The following PATJ variants were observed in gnomAD, a reference collection of about 807,000 sequenced individuals.
PATJ encodes PATJ crumbs cell polarity complex component.
A neutral mutation model predicts 224.9 loss-of-function variants in PATJ; 190 were observed. The observed-to-expected ratio is 0.84, with a 90% confidence interval of 0.75 to 0.95. The LOEUF (loss-of-function observed/expected upper bound fraction) is 0.95. Among genes scored for constraint, PATJ ranks in the 40% least tolerant of loss-of-function variants. The pLI is 0.00. For missense variants in PATJ, 2,121 were observed against 2,270.3 expected (o/e 0.93, Z 1.34); for synonymous variants, 769 against 820.3 (o/e 0.94, Z 1.07).
chr1:62,062,763 C>T (rs1655775555), intron 31 of PATJ, among the ~76,000 whole-genome samples: 1 of 152,088 alleles, frequency 6.6e-6, no homozygotes, highest in Non-Finnish European at 1.5e-5. Flanking sequence ...TCCCAAAGTG[C>T]AGAGATGACA....
rs10605703 is a variant in PATJ, at chr1:62,024,657, A to AACAC, written c.3959+6766_3959+6769dup. ...GGTAGACCCCCACTTCCCACCTCCC[A>AACAC]ACACACACACACACACACACACACA... On this transcript the variant is annotated intron_variant, in intron 29 of 43. Transcript: ENST00000642238. 2.9e-3 allele frequency among the ~76,000 whole-genome samples: 314 copies of AACAC among 107,726 alleles called. 2 individuals are homozygous for AACAC. The highest frequency in any genetic ancestry group is 4.8e-3 in the African/African-American group (130 of 26,894). The allele number at this position is 107,726 out of a possible 152,430, so 70.7% of individuals were successfully genotyped here.
At chr1:62,140,391 G>A (rs1387368787) in intron 41 of PATJ, among the ~76,000 whole-genome samples, 3 of 152,142 alleles carry the variant, frequency 2.0e-5, no homozygotes, top group African/African-American at 4.8e-5. Flanking sequence ...GGTGGCTCAC[G>A]CCAGTAATCC....
intron 31 of PATJ, among the ~76,000 whole-genome samples, chr1:62,076,150 C>T (rs1052872914): frequency 7.2e-5 from 11 of 151,880 alleles, no homozygotes; most frequent in Admixed American, 3.3e-4. Flanking sequence ...TTTGAGACAT[C>T]GTTTAAAGTT....
intron 28 of PATJ, among the ~76,000 whole-genome samples, chr1:61,998,020 T>C (rs1645507199): frequency 8.1e-6 from 1 of 122,730 alleles, no homozygotes; most frequent in Admixed American, 9.2e-5. Flanking sequence ...ATATTAATTA[T>C]ATATAATATA....
intron 16 of PATJ, among the ~76,000 whole-genome samples, chr1:61,833,190 C>A (rs1350927949): frequency 6.6e-6 from 1 of 152,048 alleles, no homozygotes; most frequent in Admixed American, 6.6e-5. Context: ...AGTGGTTTCC[C>A]TGTTCTGCTC....
In PATJ at chr1:61,875,295, G is replaced by A; in HGVS notation, c.2888G>A (p.Gly963Glu). ...CTACCATCTGTACCATCAACTGAAG[G>A]AAACAGTCAACAAGGCAGATTTGAC... ...ESLPSVPSTE[G>E]NSQQGRFDDL... The change falls in exon 21 of 44, where the codon GGA (glycine) becomes GAA (glutamate). Residue 963 changes from glycine (G) to glutamate (E), a missense_variant. By Grantham distance (98) the Gly-to-Glu change is moderately conservative. Coordinates refer to ENST00000642238, the MANE Select transcript of PATJ (RefSeq NM_001350145.3). 6.2e-7 allele frequency: 1 copy of A among 1,608,896 alleles called. No individual in the cohort carries two copies. The highest frequency in any genetic ancestry group is 8.5e-7 in the Non-Finnish European group (1 of 1,175,800).
intron 28 of PATJ, among the ~76,000 whole-genome samples, chr1:62,015,207 G>A (rs1646702491): frequency 6.6e-6 from 1 of 151,990 alleles, no homozygotes; most frequent in Admixed American, 6.6e-5. Context: ...GGGAGGCTGA[G>A]GCGGGAGAAT....
intron 14 of PATJ, among the ~76,000 whole-genome samples, chr1:61,811,871 C>G (rs1370703609): frequency 2.0e-5 from 3 of 151,202 alleles, no homozygotes; most frequent in African/African-American, 7.3e-5. Flanking sequence ...ACCATCCTGG[C>G]TAACACAGTG....
In PATJ at chr1:62,067,123, CTTTT is replaced by C. The variant is rs11381578; in HGVS notation, c.4126-12309_4126-12306del. Among the ~76,000 whole-genome samples, 159 of 116,444 alleles carry C rather than the reference CTTTT, an allele frequency of 1.4e-3. 1 individual carries two copies. Among genetic ancestry groups the C allele is most frequent in the African/African-American group, 4.9e-3 (155 of 31,424 alleles). 76.4% of individuals were successfully genotyped at this position (116,444 alleles called of 152,430 possible). A position where few individuals can be genotyped will look rare whatever the true frequency, so the allele number is the denominator to read the frequency against. On this transcript the variant is annotated intron_variant, in intron 31 of 43. Transcript: ENST00000642238. ...GCCCCTCTCATAATTCCTATTCTTTCTTTTTTTTTTTTTTTTTTTTTGAGATGGA... is the reference window on the plus strand; with the variant it reads ...GCCCCTCTCATAATTCCTATTCTTTCTTTTTTTTTTTTTTTTTGAGATGGA...
At chr1:62,077,958 G>A (rs777962234) in intron 31 of PATJ, among the ~76,000 whole-genome samples, 1 of 152,220 alleles carries the variant, frequency 6.6e-6, no homozygotes, top group Non-Finnish European at 1.5e-5. Context: ...GGATGTAAAA[G>A]TGTTTTGAAA....
intron 41 of PATJ, among the ~76,000 whole-genome samples, chr1:62,139,190 T>A (rs577274375): frequency 1.3e-5 from 2 of 151,840 alleles, no homozygotes; most frequent in African/African-American, 2.4e-5. Flanking sequence ...CACGTGAGGT[T>A]GGGAGTTTAA....
chr1:61,967,241 A>C, intron 27 of PATJ, among the ~76,000 whole-genome samples: 1 of 152,204 alleles, frequency 6.6e-6, no homozygotes, highest in Non-Finnish European at 1.5e-5. Context: ...TCAGTTAACT[A>C]AATGCTTACT....
chr1:62,009,665 CA>C (rs200778286), intron 28 of PATJ, among the ~76,000 whole-genome samples: 1,638 of 152,272 alleles, frequency 0.011, 14 homozygotes, highest in Middle Eastern at 0.041. Flanking sequence ...ATTTTACCCA[CA>C]GTAGAATTTC....
intron 43 of PATJ, among the ~76,000 whole-genome samples, chr1:62,155,747 GCAGT>G (rs1669122151): frequency 6.6e-6 from 1 of 150,600 alleles, no homozygotes; most frequent in African/African-American, 2.4e-5. Flanking sequence ...CCCACTTAGC[GCAGT>G]CAGTCTTACT....
chr1:61,884,367 A>G lies in PATJ; in HGVS notation c.3090A>G (p.Ala1030=), dbSNP rs1434652295. ...QATRVISKAS[A]YTGMLSSRYA... ...CACGAGTTATTTCCAAGGCCTCAGC[A>G]TACACAGGAATGTTGTCTTCTAGAT... Residue 1030 remains alanine, a synonymous_variant, in exon 22 of 44, where the codon GCA becomes GCG. Transcript: ENST00000642238. The G allele has an allele frequency of 6.2e-7, 1 of 1,612,192 alleles. No homozygotes were observed. Among genetic ancestry groups the G allele is most frequent in the Non-Finnish European group, 8.5e-7 (1 of 1,179,354 alleles).
At chr1:61,760,232 G>A (rs1645887982) in intron 1 of PATJ, among the ~76,000 whole-genome samples, 1 of 152,124 alleles carries the variant, frequency 6.6e-6, no homozygotes, top group African/African-American at 2.4e-5. Flanking sequence ...TATTCCCATT[G>A]AATCCAGTGA....
chr1:62,046,044 T>C (rs1045338611), intron 30 of PATJ, among the ~76,000 whole-genome samples: 2 of 151,794 alleles, frequency 1.3e-5, no homozygotes, highest in Non-Finnish European at 2.9e-5. Flanking sequence ...CTACAAAAAT[T>C]ACAAAAAATT....
chr1:61,774,244 C>T (rs1248639844), intron 6 of PATJ, among the ~76,000 whole-genome samples: 1 of 151,768 alleles, frequency 6.6e-6, no homozygotes, highest in Non-Finnish European at 1.5e-5. Context: ...GAGCTCTGAT[C>T]ATGCACTGCA....
chr1:61,897,312 G>A (rs1670515784), intron 22 of PATJ, among the ~76,000 whole-genome samples: 1 of 152,184 alleles, frequency 6.6e-6, no homozygotes, highest in African/African-American at 2.4e-5. Context: ...TGGTGGAATT[G>A]TGGGTGTATC....
Sources: allele counts gnomAD v4.1 joint callset (sites outside exome capture counted in the v4.1 genomes callset), GRCh38; gene constraint gnomAD v4.1.1; transcripts MANE v1.5; gene names NCBI Gene and HGNC (gene_info 2026-07-23, HGNC 2026-07-21).